DMD: variants seen among roughly 807,000 people sequenced by gnomAD.
DMD encodes mutant dystrophin.
DMD carries 63 observed loss-of-function variants against 330.1 expected under a neutral mutation model. The ratio of observed to expected loss-of-function variants is 0.19; its 90% confidence interval spans 0.16 to 0.24. The LOEUF (loss-of-function observed/expected upper bound fraction) is 0.24, where lower values mean the gene tolerates loss of function less well. Among genes scored for constraint, DMD ranks in the 10% least tolerant of loss-of-function variants. The pLI, the probability that DMD is intolerant of heterozygous loss-of-function variation, is 1.00. For missense variants in DMD, 3,344 were observed against 2,684.1 expected (o/e 1.25, Z -5.43); for synonymous variants, 1,223 against 959.8 (o/e 1.27, Z -5.07).
At chrX:33,031,367 T>C (rs1185293099) in intron 1 of DMD, among the ~76,000 whole-genome samples, 1 of 110,853 alleles carries the variant, frequency 9.0e-6, no homozygotes, top group Non-Finnish European at 1.9e-5. Context: ...AATTGTTGCA[T>C]GGGATATGTA....
At chrX:32,839,272 C>T (rs143949847) in intron 4 of DMD, among the ~76,000 whole-genome samples, 75 of 111,188 alleles carry the variant, frequency 6.7e-4, no homozygotes, top group East Asian at 5.2e-3. Flanking sequence ...TCTTTATTAC[C>T]GTGCCTAACC....
intron 34 of DMD, among the ~76,000 whole-genome samples, chrX:32,369,740 C>A (rs888390596): frequency 4.5e-5 from 5 of 111,056 alleles, no homozygotes; most frequent in South Asian, 7.5e-4. Flanking sequence ...TCTGTCTGAT[C>A]TCTTTTTTCC....
intron 59 of DMD, among the ~76,000 whole-genome samples, chrX:31,467,210 G>A (rs1280465200): frequency 1.8e-5 from 2 of 111,304 alleles, no homozygotes; most frequent in African/African-American, 6.5e-5. Context: ...TGTTGAATAC[G>A]AGTGGTGGGA....
At chrX:31,422,894 A>C (rs1289824560) in intron 60 of DMD, among the ~76,000 whole-genome samples, 1 of 108,928 alleles carries the variant, frequency 9.2e-6, no homozygotes, top group Non-Finnish European at 1.9e-5. Flanking sequence ...TATAGGTGGG[A>C]GTTCTTGAAC....
chrX:31,354,760 GATCTT>G (rs925868948), intron 60 of DMD, among the ~76,000 whole-genome samples: 5 of 112,174 alleles, frequency 4.5e-5, no homozygotes, highest in African/African-American at 1.3e-4. Context: ...CAAAGACAGA[GATCTT>G]ATCTGTCTTG....
intron 47 of DMD, among the ~76,000 whole-genome samples, chrX:31,889,207 A>G (rs1307317206): frequency 8.9e-6 from 1 of 112,352 alleles, no homozygotes; most frequent in Non-Finnish European, 1.9e-5. Context: ...TTACCACACT[A>G]AAACCATATT....
intron 3 of DMD, among the ~76,000 whole-genome samples, chrX:32,845,142 T>C (rs1046068948): frequency 8.9e-6 from 1 of 112,070 alleles, no homozygotes; most frequent in Non-Finnish European, 1.9e-5. Flanking sequence ...GATTACTGCA[T>C]GACCACCAAT....
At chrX:32,736,916 TAATAA>T (rs1412654724) in intron 7 of DMD, among the ~76,000 whole-genome samples, 1 of 110,250 alleles carries the variant, frequency 9.1e-6, no homozygotes, top group African/African-American at 3.3e-5. Context: ...TAAAGTATAA[TAATAA>T]AAGAAAAAAA....
intron 52 of DMD, among the ~76,000 whole-genome samples, chrX:31,690,907 G>C (rs7881273): frequency 0.012 from 1,359 of 110,384 alleles, 19 homozygotes; most frequent in African/African-American, 0.043. Flanking sequence ...TCATAGGTGG[G>C]AATTGAACAA....
upstream of DMD, among the ~76,000 whole-genome samples, chrX:33,214,999 A>G (rs1038467899): frequency 8.9e-6 from 1 of 112,094 alleles, no homozygotes; most frequent in Non-Finnish European, 1.9e-5. Context: ...TTGTTAAAAA[A>G]TGTTATATGC....
chrX:32,415,463 C>G (rs1036910746), intron 29 of DMD, among the ~76,000 whole-genome samples: 1 of 112,009 alleles, frequency 8.9e-6, no homozygotes, highest in Non-Finnish European at 1.9e-5. Context: ...ATGGCATAAG[C>G]TGCCTTCTAT....
intron 2 of DMD, among the ~76,000 whole-genome samples, chrX:32,890,697 G>A (rs760671894): frequency 7.2e-5 from 8 of 111,711 alleles, no homozygotes; most frequent in Admixed American, 1.9e-4. Context: ...AAATCAGAAC[G>A]TTTTATCATG....
chrX:32,100,793 TC>T (rs2096536444), intron 44 of DMD, among the ~76,000 whole-genome samples: 1 of 111,729 alleles, frequency 9.0e-6, no homozygotes, highest in African/African-American at 3.3e-5. Flanking sequence ...TGCTATCATC[TC>T]CTTCTAAGCA....
intron 21 of DMD, among the ~76,000 whole-genome samples, chrX:32,483,541 T>C (rs1250798294): frequency 9.1e-6 from 1 of 109,454 alleles, no homozygotes; most frequent in Non-Finnish European, 1.9e-5. Flanking sequence ...TAAAGTAAAT[T>C]TCCAGTGAAA....
chrX:31,304,604 TA>T (rs2054885313), intron 62 of DMD, among the ~76,000 whole-genome samples: 1 of 82,169 alleles, frequency 1.2e-5, no homozygotes, highest in Non-Finnish European at 2.2e-5. Flanking sequence ...GTGAGCATTT[TA>T]TATATATATA....
chrX:32,872,819 G>C (rs1187397815), intron 2 of DMD, among the ~76,000 whole-genome samples: 1 of 111,698 alleles, frequency 9.0e-6, no homozygotes, highest in East Asian at 2.8e-4. Context: ...TACAGGCTTT[G>C]GGTAGGAGAG....
intron 16 of DMD, among the ~76,000 whole-genome samples, chrX:32,551,619 T>A (rs762306757): frequency 9.0e-6 from 1 of 111,575 alleles, no homozygotes; most frequent in East Asian, 2.8e-4. Context: ...TTGAACATAG[T>A]ACTAGAAATC....
At chrX:31,213,375 A>G (rs1014181816) in intron 64 of DMD, among the ~76,000 whole-genome samples, 3 of 112,475 alleles carry the variant, frequency 2.7e-5, no homozygotes, top group African/African-American at 9.7e-5. Context: ...GCACAGTCAG[A>G]CCAACGGAAG....
chrX:31,741,159 T>C (rs933319309), intron 51 of DMD, among the ~76,000 whole-genome samples: 1 of 111,936 alleles, frequency 8.9e-6, no homozygotes, highest in African/African-American at 3.2e-5. Context: ...ATGCTATTTC[T>C]ACCACATCTG....
Sources: gnomAD v4.1 joint callset for allele counts (sites outside exome capture counted in the v4.1 genomes callset) on GRCh38, gnomAD v4.1.1 for gene constraint, MANE v1.5 for transcripts, NCBI Gene and HGNC (gene_info 2026-07-23, HGNC 2026-07-21) for gene names.